The following FRMPD3 variants were observed in gnomAD, a reference collection of about 807,000 sequenced individuals.
The protein encoded by FRMPD3 is FERM and PDZ domain-containing protein 3.
Under a neutral mutation model 97.9 loss-of-function variants are expected in FRMPD3, and 42 were observed. The observed-to-expected ratio is 0.43, with a 90% CI of 0.34 to 0.55. FRMPD3 has a LOEUF of 0.55. FRMPD3 is among the 20% of genes least tolerant of loss of function. The pLI, the probability that FRMPD3 is intolerant of heterozygous loss-of-function variation, is 0.03. For missense variants in FRMPD3, 1,303 were observed against 1,457.7 expected, an observed-to-expected ratio of 0.89 and a Z score of 1.73; for synonymous variants, 577 against 581.1, an observed-to-expected ratio of 0.99 and a Z score of 0.10.
intron 1 of FRMPD3, among the ~76,000 whole-genome samples, chrX:107,512,558 C>A (rs764326422): frequency 1.8e-5 from 2 of 111,502 alleles, no homozygotes; most frequent in South Asian, 7.7e-4. Context: ...TTTGCTCTGC[C>A]TGGTCCCCTT....
intron 1 of FRMPD3, among the ~76,000 whole-genome samples, chrX:107,510,646 T>C (rs1462150768): frequency 8.9e-6 from 1 of 111,896 alleles, no homozygotes; most frequent in Admixed American, 9.5e-5. Context: ...CATTCCCCTT[T>C]TCTGACCACT....
chrX:107,593,544 C>T (rs1179269753), intron 13 of FRMPD3, among the ~76,000 whole-genome samples: 1 of 111,299 alleles, frequency 9.0e-6, no homozygotes, highest in Non-Finnish European at 1.9e-5. Context: ...GATTTAAGTC[C>T]TTAATCCCTC....
chrX:107,454,361 T>C (rs1437776923), intron 1 of FRMPD3, among the ~76,000 whole-genome samples: 1 of 111,378 alleles, frequency 9.0e-6, no homozygotes, highest in East Asian at 2.8e-4. Flanking sequence ...ACTCCTGAGG[T>C]TCAGTCCTAT....
intron 1 of FRMPD3, among the ~76,000 whole-genome samples, chrX:107,510,312 T>C (rs1375285190): frequency 1.8e-5 from 2 of 111,180 alleles, no homozygotes; most frequent in African/African-American, 6.6e-5. Context: ...ATCAAATCAG[T>C]GTTGCCAGAT....
chrX:107,543,302 A>C, intron 4 of FRMPD3, among the ~76,000 whole-genome samples: 1 of 110,931 alleles, frequency 9.0e-6, no homozygotes, highest in South Asian at 3.8e-4. Context: ...TGCCTCTCTG[A>C]GCATCTCCCC....
intron 2 of FRMPD3, among the ~76,000 whole-genome samples, chrX:107,529,937 C>T (rs1463543281): frequency 8.9e-6 from 1 of 111,894 alleles, no homozygotes; most frequent in Non-Finnish European, 1.9e-5. Flanking sequence ...GTTTATTGAC[C>T]TTATCTGAGT....
At chrX:107,563,854 C>G (rs1251328413) in intron 11 of FRMPD3, among the ~76,000 whole-genome samples, 2 of 111,918 alleles carry the variant, frequency 1.8e-5, no homozygotes, top group Non-Finnish European at 3.8e-5. Flanking sequence ...TGCTCAGCAC[C>G]TTTGCTGCAG....
In FRMPD3 at chrX:107,575,455, C is replaced by CT. The variant is rs771754378; in HGVS notation, c.1297-846dup. On this transcript the variant is annotated intron_variant, in intron 12 of 14. Transcript: ENST00000683843. Reference sequence around the variant, plus strand: ...AAAGGAAAGGGGATAGAGCATGACTCTTTTTTTTTTTTTTAGACGAAGTCT... The same window carrying CT: ...AAAGGAAAGGGGATAGAGCATGACTCTTTTTTTTTTTTTTTAGACGAAGTCT... 7.5e-3 allele frequency among the ~76,000 whole-genome samples: 762 copies of CT among 101,365 alleles called. 7 individuals carry two copies. The highest frequency in any genetic ancestry group is 0.024 in the African/African-American group (688 of 28,161). The allele number at this position is 101,365 out of a possible 115,157, so 88.0% of individuals were successfully genotyped here. A position where few individuals can be genotyped will look rare whatever the true frequency, so the allele number is the denominator to read the frequency against.
intron 8 of FRMPD3, among the ~76,000 whole-genome samples, chrX:107,557,840 T>TAG (rs1164060783): frequency 5.8e-5 from 4 of 69,304 alleles, no homozygotes; most frequent in Non-Finnish European, 8.3e-5. Context: ...TATATATATA[T>TAG]AGATCTATTC....
At chrX:107,480,186 A>C (rs1367429828) in intron 1 of FRMPD3, among the ~76,000 whole-genome samples, 3 of 112,086 alleles carry the variant, frequency 2.7e-5, no homozygotes. Flanking sequence ...CAGGCTATCC[A>C]TAGCAGCCAA....
At chrX:107,468,725 G>A (rs1159540131) in intron 1 of FRMPD3, among the ~76,000 whole-genome samples, 1 of 112,530 alleles carries the variant, frequency 8.9e-6, no homozygotes, top group Non-Finnish European at 1.9e-5. Context: ...GAAGACTTTC[G>A]GGAGGAGATG....
At chrX:107,583,658 C>T (rs1923502108) in intron 13 of FRMPD3, among the ~76,000 whole-genome samples, 1 of 111,418 alleles carries the variant, frequency 9.0e-6, no homozygotes, top group African/African-American at 3.3e-5. Flanking sequence ...CTTGAGGAAT[C>T]ATCGTACTGT....
intron 1 of FRMPD3, among the ~76,000 whole-genome samples, chrX:107,455,618 T>G (rs189799176): frequency 3.8e-4 from 42 of 111,708 alleles, no homozygotes; most frequent in African/African-American, 1.3e-3. Flanking sequence ...TTTTTTAATT[T>G]TTTTAAATCC....
At chrX:107,562,253 G>A (rs1922402384) in intron 10 of FRMPD3, among the ~76,000 whole-genome samples, 1 of 112,579 alleles carries the variant, frequency 8.9e-6, no homozygotes, top group South Asian at 3.6e-4. Flanking sequence ...AAGGGGTGAA[G>A]ATAGGGGCAA....
chrX:107,484,752 C>T (rs938130751), intron 1 of FRMPD3, among the ~76,000 whole-genome samples: 1 of 112,328 alleles, frequency 8.9e-6, no homozygotes, highest in Non-Finnish European at 1.9e-5. Flanking sequence ...GTCCAGTAAC[C>T]TGGGGTCCTT....
intron 1 of FRMPD3, among the ~76,000 whole-genome samples, chrX:107,516,088 A>C (rs1435363781): frequency 5.6e-5 from 5 of 89,095 alleles, no homozygotes; most frequent in Non-Finnish European, 1.0e-4. Flanking sequence ...ATGTGTTCTC[A>C]TTGTTCAATT....
In FRMPD3 at chrX:107,465,048, A is replaced by T. The variant is rs1393381421; in HGVS notation, c.-8+15043A>T. Among the ~76,000 whole-genome samples, 3 of 112,242 alleles carry T rather than the reference A, an allele frequency of 2.7e-5. No homozygotes were observed. In the East Asian group the frequency reaches 8.3e-4, roughly 31 times the overall value. On this transcript the variant is annotated intron_variant, in intron 1 of 14. Coordinates refer to ENST00000683843, the MANE Select transcript of FRMPD3 (RefSeq NM_001388459.1). ...CCCAGCTAGTCTTTCTTGAGGCATC[A>T]TGCCCAATGGGGTTTAGAGAATGGA...
chrX:107,470,582 G>T (rs1921031242), intron 1 of FRMPD3, among the ~76,000 whole-genome samples: 1 of 112,385 alleles, frequency 8.9e-6, no homozygotes, highest in Admixed American at 9.4e-5. Flanking sequence ...TGTCTTGGAA[G>T]TTATATCCCA....
At chrX:107,543,119 C>G (rs1214380486) in intron 4 of FRMPD3, among the ~76,000 whole-genome samples, 1 of 111,597 alleles carries the variant, frequency 9.0e-6, no homozygotes, top group East Asian at 2.8e-4. Flanking sequence ...TAGAGACCCC[C>G]AACTGGTCTC....
Sources: gnomAD v4.1 joint callset for allele counts (sites outside exome capture counted in the v4.1 genomes callset) on GRCh38, gnomAD v4.1.1 for gene constraint, MANE v1.5 for transcripts, NCBI Gene and HGNC (gene_info 2026-07-23, HGNC 2026-07-21) for gene names.